The following PRR5L variants were observed in gnomAD, a reference collection of about 807,000 sequenced individuals.
The protein encoded by PRR5L is proline rich 5 like.
A neutral mutation model predicts 36.4 loss-of-function variants in PRR5L; 21 were observed. The observed-to-expected ratio is 0.58, with a 90% CI of 0.41 to 0.83. The LOEUF (loss-of-function observed/expected upper bound fraction) is 0.83. Ranked by LOEUF, PRR5L falls within the 40% of genes least tolerant of loss-of-function variation. PRR5L has a pLI of 0.00. For synonymous variants in PRR5L, 188 were observed against 197.0 expected (o/e 0.95, Z 0.38); for missense variants, 381 against 473.3 (o/e 0.80, Z 1.81).
chr11:36,372,885 GA>G (rs555138035), intron 1 of PRR5L, among the ~76,000 whole-genome samples: 6 of 152,080 alleles, frequency 3.9e-5, no homozygotes, highest in Non-Finnish European at 8.8e-5. Flanking sequence ...ATCTAATATA[GA>G]ACATTTAACG....
At chr11:36,387,413 T>TA (rs59268064) in intron 1 of PRR5L, among the ~76,000 whole-genome samples, 20 of 150,546 alleles carry the variant, frequency 1.3e-4, no homozygotes, top group Middle Eastern at 3.4e-3. Context: ...ACTTAAAGTA[T>TA]AAAAAAAAAG....
intron 1 of PRR5L, among the ~76,000 whole-genome samples, chr11:36,306,558 T>C (rs1856434411): frequency 6.6e-6 from 1 of 152,246 alleles, no homozygotes; most frequent in Non-Finnish European, 1.5e-5. Context: ...TCTATGTACC[T>C]ACTACCTTCG....
chr11:36,386,250 T>C (rs1444883285), intron 1 of PRR5L, among the ~76,000 whole-genome samples: 1 of 151,984 alleles, frequency 6.6e-6, no homozygotes, highest in African/African-American at 2.4e-5. Context: ...TGTGCCACCA[T>C]ACTCCAGCCT....
At chr11:36,351,029 T>G (rs1405318068) in intron 1 of PRR5L, among the ~76,000 whole-genome samples, 2 of 31,718 alleles carry the variant, frequency 6.3e-5, no homozygotes, top group Non-Finnish European at 1.0e-4. Context: ...TATTTATATA[T>G]TTATTTTTTA....
At chr11:36,361,937 T>C (rs1857093252) in intron 1 of PRR5L, among the ~76,000 whole-genome samples, 1 of 151,690 alleles carries the variant, frequency 6.6e-6, no homozygotes, top group African/African-American at 2.4e-5. Flanking sequence ...TGAGGCACAG[T>C]TGGATAAAGT....
In PRR5L at chr11:36,438,796, A is replaced by G. The variant is rs986840078; in HGVS notation, c.444+1320A>G. On this transcript the variant is annotated intron_variant, in intron 6 of 8. Coordinates refer to ENST00000530639, the MANE Select transcript of PRR5L (RefSeq NM_001160167.2). ...CTCTATTAAAAAAAACTAGCCAGGC[A>G]TGGTGGCTTGTGTCTGTAGTCTCAG... Among the ~76,000 whole-genome samples, 3 of 152,090 alleles carry G rather than the reference A, an allele frequency of 2.0e-5. No individual in the cohort carries two copies. In the South Asian group the frequency reaches 6.2e-4, roughly 32 times the overall value.
rs1564949117 is a variant in PRR5L, at chr11:36,437,262, G to A, written c.353-123G>A. 3.8e-6 allele frequency: 3 copies of A among 782,358 alleles called. No individual in the cohort carries two copies. In the African/African-American group the frequency reaches 5.1e-5, roughly 13 times the overall value. 48.5% of individuals were successfully genotyped at this position (782,358 alleles called of 1,614,324 possible). Reference sequence around the variant, plus strand: ...GCTCTCTGGGCTTTAATAGCTCCTGGCTGCAAGTTTTTTAGCATGTGCAGC... The same window carrying A: ...GCTCTCTGGGCTTTAATAGCTCCTGACTGCAAGTTTTTTAGCATGTGCAGC... On this transcript the variant is annotated intron_variant, in intron 5 of 8. Transcript: ENST00000530639.
chr11:36,457,614 AAAAAAC>A (rs1400700047), intron 8 of PRR5L, among the ~76,000 whole-genome samples: 5 of 152,062 alleles, frequency 3.3e-5, no homozygotes, highest in African/African-American at 7.2e-5. Context: ...TCAAAAAAAA[AAAAAAC>A]AAAACAAAAA....
intron 6 of PRR5L, among the ~76,000 whole-genome samples, chr11:36,440,185 C>G (rs1418940694): frequency 6.6e-6 from 1 of 152,096 alleles, no homozygotes; most frequent in African/African-American, 2.4e-5. Context: ...ATAGAAAAGG[C>G]CTTTATGGGT....
intron 5 of PRR5L, among the ~76,000 whole-genome samples, chr11:36,432,743 C>T (rs1477767958): frequency 1.3e-5 from 2 of 152,182 alleles, no homozygotes; most frequent in Non-Finnish European, 2.9e-5. Context: ...CTGCTCCAGC[C>T]TAATGAACCG....
intron 1 of PRR5L, among the ~76,000 whole-genome samples, chr11:36,318,025 G>A (rs1460556198): frequency 1.3e-5 from 2 of 152,182 alleles, no homozygotes; most frequent in South Asian, 2.1e-4. Flanking sequence ...TGTCCTGTAA[G>A]ATTATAATGC....
At chr11:36,452,116 C>T (rs957896079) in intron 8 of PRR5L, among the ~76,000 whole-genome samples, 8 of 152,160 alleles carry the variant, frequency 5.3e-5, no homozygotes, top group South Asian at 2.1e-4. Flanking sequence ...GAAATATAAA[C>T]GCTCAAAATG....
intron 3 of PRR5L, among the ~76,000 whole-genome samples, chr11:36,411,543 T>C (rs1858027549): frequency 6.6e-6 from 1 of 152,150 alleles, no homozygotes; most frequent in Non-Finnish European, 1.5e-5. Context: ...CCCGTGTAAG[T>C]GTCCCCTTCA....
At chr11:36,296,846 C>A (rs542711238) in intron 1 of PRR5L, among the ~76,000 whole-genome samples, 3 of 152,332 alleles carry the variant, frequency 2.0e-5, no homozygotes, top group African/African-American at 7.2e-5. Context: ...GCCTCAGATT[C>A]TTGCTTCTTT....
chr11:36,371,994 T>C (rs754426226), intron 1 of PRR5L, among the ~76,000 whole-genome samples: 1 of 152,014 alleles, frequency 6.6e-6, no homozygotes, highest in Non-Finnish European at 1.5e-5. Context: ...GGAGGCAGAA[T>C]TTGCAGGGAG....
chr11:36,442,701 C>T (rs1293207826), intron 6 of PRR5L, among the ~76,000 whole-genome samples: 6 of 152,110 alleles, frequency 3.9e-5, no homozygotes, highest in African/African-American at 1.4e-4. Context: ...CCCACAAATC[C>T]CCCGGGCATG....
chr11:36,388,098 G>T (rs973605390), intron 1 of PRR5L: 1 of 152,188 alleles, frequency 6.6e-6, no homozygotes, highest in South Asian at 2.1e-4. Context: ...TCCCAGCCTG[G>T]CCCTTTCGGC....
intron 1 of PRR5L, among the ~76,000 whole-genome samples, chr11:36,359,305 C>T (rs1009642245): frequency 6.6e-6 from 1 of 152,086 alleles, no homozygotes; most frequent in Non-Finnish European, 1.5e-5. Context: ...TTTGTCTTAG[C>T]GTGGGAGAGA....
At chr11:36,338,857 G>A (rs1411445880) in intron 1 of PRR5L, among the ~76,000 whole-genome samples, 2 of 152,118 alleles carry the variant, frequency 1.3e-5, no homozygotes, top group Non-Finnish European at 2.9e-5. Flanking sequence ...TACTTGAATT[G>A]TATCTCCCAG....
Sources: allele counts gnomAD v4.1 joint callset (sites outside exome capture counted in the v4.1 genomes callset), GRCh38; gene constraint gnomAD v4.1.1; transcripts MANE v1.5; gene names NCBI Gene and HGNC (gene_info 2026-07-23, HGNC 2026-07-21).